The following FILIP1L variants were observed in gnomAD, a reference collection of about 807,000 sequenced individuals.
The protein encoded by FILIP1L is filamin A-interacting protein 1-like.
FILIP1L carries 55 observed loss-of-function variants against 96.6 expected under a neutral mutation model. The observed-to-expected ratio is 0.57, with a 90% CI of 0.46 to 0.71. The LOEUF is 0.71. Ranked by LOEUF, FILIP1L falls within the 30% of genes least tolerant of loss-of-function variation. The pLI, the probability that FILIP1L is intolerant of heterozygous loss-of-function variation, is 0.00. For missense variants in FILIP1L, 1,304 were observed against 1,321.2 expected, an observed-to-expected ratio of 0.99 and a Z score of 0.20; for synonymous variants, 467 against 473.9, an observed-to-expected ratio of 0.99 and a Z score of 0.19.
chr3:99,988,311 C>A (rs1176260604), intron 1 of FILIP1L, among the ~76,000 whole-genome samples: 1 of 128,272 alleles, frequency 7.8e-6, no homozygotes, highest in East Asian at 2.2e-4. Flanking sequence ...TCCTGGTTAG[C>A]ATGACAAAAC....
chr3:100,034,888 ATATCTC>A (rs974817822), intron 1 of FILIP1L, among the ~76,000 whole-genome samples: 21 of 152,284 alleles, frequency 1.4e-4, no homozygotes, highest in African/African-American at 5.1e-4. Context: ...TCTCAGTAGA[ATATCTC>A]AATCACTGCA....
chr3:100,076,652 C>G (rs1292351257), intron 1 of FILIP1L, among the ~76,000 whole-genome samples: 1 of 152,168 alleles, frequency 6.6e-6, no homozygotes, highest in East Asian at 1.9e-4. Flanking sequence ...TCACTGTGTA[C>G]TTTACTGTTC....
At chr3:99,836,525 C>T (rs1316501773) in intron 5 of FILIP1L, among the ~76,000 whole-genome samples, 2 of 152,108 alleles carry the variant, frequency 1.3e-5, no homozygotes, top group African/African-American at 2.4e-5. Context: ...CTGAGACAGC[C>T]AGAGAGAAAA....
chr3:100,090,232 G>C (rs2066080552), intron 1 of FILIP1L, among the ~76,000 whole-genome samples: 1 of 152,136 alleles, frequency 6.6e-6, no homozygotes, highest in Admixed American at 6.5e-5. Context: ...TTGTGCAGCT[G>C]TTTGCTATTG....
intron 1 of FILIP1L, among the ~76,000 whole-genome samples, chr3:99,999,414 A>ATGGG (rs766534938): frequency 5.9e-5 from 9 of 152,160 alleles, no homozygotes; most frequent in Non-Finnish European, 1.3e-4. Flanking sequence ...GGATGGATGG[A>ATGGG]TGGGTGGGTG....
intron 4 of FILIP1L, among the ~76,000 whole-genome samples, chr3:99,893,472 A>G (rs1706156755): frequency 1.3e-5 from 2 of 152,166 alleles, no homozygotes; most frequent in African/African-American, 2.4e-5. Context: ...GCCGGCATCT[A>G]GACATTTTTT....
At chr3:99,887,365 A>G (rs1051246697) in intron 4 of FILIP1L, among the ~76,000 whole-genome samples, 1 of 152,152 alleles carries the variant, frequency 6.6e-6, no homozygotes, top group Non-Finnish European at 1.5e-5. Context: ...GCATTCCAGG[A>G]AGGAGAATGG....
chr3:99,916,177 A>G (rs1706943915), intron 4 of FILIP1L, among the ~76,000 whole-genome samples: 1 of 152,170 alleles, frequency 6.6e-6, no homozygotes, highest in Admixed American at 6.5e-5. Flanking sequence ...ATCTGTTGAG[A>G]GCCAGAATGG....
intron 4 of FILIP1L, among the ~76,000 whole-genome samples, chr3:99,863,863 C>T (rs1042571835): frequency 2.6e-5 from 4 of 152,300 alleles, no homozygotes; most frequent in South Asian, 2.1e-4. Context: ...CTTATGCTCT[C>T]CCCTTTTTAC....
chr3:99,901,352 A>C (rs1433708768), intron 4 of FILIP1L, among the ~76,000 whole-genome samples: 1 of 152,216 alleles, frequency 6.6e-6, no homozygotes, highest in Non-Finnish European at 1.5e-5. Flanking sequence ...TTGTTGTCTC[A>C]GAAGATTAAT....
chr3:99,943,911 A>G (rs1707927301), intron 1 of FILIP1L, among the ~76,000 whole-genome samples: 1 of 152,176 alleles, frequency 6.6e-6, no homozygotes, highest in African/African-American at 2.4e-5. Context: ...TTCAGGGCTC[A>G]GTGTTTTATA....
chr3:100,106,855 T>C (rs2066404103), intron 1 of FILIP1L, among the ~76,000 whole-genome samples: 1 of 152,168 alleles, frequency 6.6e-6, no homozygotes, highest in African/African-American at 2.4e-5. Flanking sequence ...AGAGGTTATA[T>C]TGTTGCTTTT....
intron 1 of FILIP1L, among the ~76,000 whole-genome samples, chr3:100,024,006 C>T (rs1406070860): frequency 6.6e-6 from 1 of 152,158 alleles, no homozygotes; most frequent in Non-Finnish European, 1.5e-5. Flanking sequence ...AGTGGGTTCA[C>T]TCCCCCTTCA....
At chr3:99,846,883 A>G (rs374454009) in intron 5 of FILIP1L, among the ~76,000 whole-genome samples, 6 of 152,306 alleles carry the variant, frequency 3.9e-5, no homozygotes, top group South Asian at 2.1e-4. Context: ...GAAAAAGGGA[A>G]ATGGCAATAA....
At chr3:99,937,247 T>C (rs1707708187) in intron 1 of FILIP1L, among the ~76,000 whole-genome samples, 1 of 152,188 alleles carries the variant, frequency 6.6e-6, no homozygotes, top group South Asian at 2.1e-4. Context: ...CTAGCTTATT[T>C]TCATATGTGG....
chr3:99,925,364 T>C (rs1231943770), intron 3 of FILIP1L, among the ~76,000 whole-genome samples: 1 of 152,192 alleles, frequency 6.6e-6, no homozygotes, highest in African/African-American at 2.4e-5. Flanking sequence ...TGCTAGACTG[T>C]GAACTCCCTG....
chr3:99,864,406 T>G (rs1352497513), intron 4 of FILIP1L, among the ~76,000 whole-genome samples: 1 of 152,172 alleles, frequency 6.6e-6, no homozygotes, highest in African/African-American at 2.4e-5. Context: ...CTAAGTATTA[T>G]TATTCTCATT....
intron 4 of FILIP1L, among the ~76,000 whole-genome samples, chr3:99,871,240 G>T (rs908242647): frequency 2.0e-5 from 3 of 152,104 alleles, no homozygotes; most frequent in Admixed American, 2.0e-4. Flanking sequence ...TAGTGGCTGA[G>T]ATTTGTTTTC....
At chr3:99,914,236 G>C (rs1706882857) in intron 4 of FILIP1L, among the ~76,000 whole-genome samples, 1 of 152,200 alleles carries the variant, frequency 6.6e-6, no homozygotes, top group African/African-American at 2.4e-5. Flanking sequence ...CTTGATATAG[G>C]ATATATGAAG....
Sources: allele counts gnomAD v4.1 joint callset (sites outside exome capture counted in the v4.1 genomes callset), GRCh38; gene constraint gnomAD v4.1.1; transcripts MANE v1.5; gene names NCBI Gene and HGNC (gene_info 2026-07-23, HGNC 2026-07-21).